Variants in DOCK9 observed in about 807,000 individuals in gnomAD.
The protein encoded by DOCK9 is dedicator of cytokinesis protein 9.
Under a neutral mutation model 263.3 loss-of-function variants are expected in DOCK9, and 89 were observed. The observed-to-expected ratio is 0.34, with a 90% CI of 0.28 to 0.40. The LOEUF (loss-of-function observed/expected upper bound fraction) is 0.40. Among genes scored for constraint, DOCK9 ranks in the 10% least tolerant of loss-of-function variants. The pLI is 1.00. For missense variants in DOCK9, 2,140 were observed against 2,603.4 expected (o/e 0.82, Z 3.87); for synonymous variants, 976 against 973.1 (o/e 1.00, Z -0.06).
At chr13:98,875,247 G>C (rs1594870782) in intron 27 of DOCK9, among the ~76,000 whole-genome samples, 1 of 152,252 alleles carries the variant, frequency 6.6e-6, no homozygotes, top group Middle Eastern at 3.4e-3. Flanking sequence ...ACAAACAACT[G>C]TTCAAAACAC....
At chr13:99,026,007 GATTAACA>G (rs1886657268) in intron 1 of DOCK9, among the ~76,000 whole-genome samples, 2 of 94,898 alleles carry the variant, frequency 2.1e-5, no homozygotes, top group Non-Finnish European at 4.5e-5. Flanking sequence ...ACAGAAAGCA[GATTAACA>G]GTTCCCTAGG....
At chr13:98,974,878 A>G (rs1180265140) in intron 1 of DOCK9, among the ~76,000 whole-genome samples, 1 of 151,550 alleles carries the variant, frequency 6.6e-6, no homozygotes, top group Non-Finnish European at 1.5e-5. Context: ...GCCCTGGCAG[A>G]GGAGAAAAAA....
chr13:98,879,541 ATT>A (rs2044411562), intron 27 of DOCK9, among the ~76,000 whole-genome samples: 1 of 152,220 alleles, frequency 6.6e-6, no homozygotes, highest in South Asian at 2.1e-4. Flanking sequence ...AAACGTGAAG[ATT>A]TCTAAGCTAA....
At chr13:99,080,420 C>A (rs2042080777) in intron 1 of DOCK9, among the ~76,000 whole-genome samples, 1 of 152,146 alleles carries the variant, frequency 6.6e-6, no homozygotes, top group African/African-American at 2.4e-5. Context: ...GTTTGAACTT[C>A]TTTCCTGAAA....
intron 1 of DOCK9, among the ~76,000 whole-genome samples, chr13:99,053,337 TATAA>T (rs1478511973): frequency 1.3e-5 from 2 of 152,228 alleles, no homozygotes; most frequent in South Asian, 2.1e-4. Context: ...TCTAAGCTAC[TATAA>T]ATAATTTCCC....
chr13:98,999,445 T>C (rs1254883151), intron 1 of DOCK9, among the ~76,000 whole-genome samples: 1 of 152,200 alleles, frequency 6.6e-6, no homozygotes, highest in Non-Finnish European at 1.5e-5. Flanking sequence ...AAGGATTTCT[T>C]GAATGATGAT....
intron 6 of DOCK9, among the ~76,000 whole-genome samples, chr13:98,921,643 A>G (rs1448183625): frequency 2.6e-5 from 4 of 152,050 alleles, no homozygotes; most frequent in Non-Finnish European, 4.4e-5. Context: ...TCTTCTATGC[A>G]ACTATTTTCT....
chr13:98,927,688 T>A (rs1259204895), intron 3 of DOCK9, among the ~76,000 whole-genome samples: 4 of 152,044 alleles, frequency 2.6e-5, no homozygotes, highest in African/African-American at 9.7e-5. Flanking sequence ...TGGTGCAATC[T>A]TGGCTCACTG....
At chr13:99,005,274 T>C in intron 1 of DOCK9, among the ~76,000 whole-genome samples, 1 of 152,228 alleles carries the variant, frequency 6.6e-6, no homozygotes, top group East Asian at 1.9e-4. Flanking sequence ...CTCCTGAATC[T>C]TAACCAATAT....
chr13:98,892,656 C>A (rs1256258403), intron 15 of DOCK9, among the ~76,000 whole-genome samples: 1 of 152,138 alleles, frequency 6.6e-6, no homozygotes, highest in Non-Finnish European at 1.5e-5. Flanking sequence ...GGAATGCAAA[C>A]AAGACATAAT....
At chr13:98,845,358 G>C in intron 38 of DOCK9, 1 of 1,359,708 alleles carries the variant, frequency 7.4e-7, no homozygotes, top group Non-Finnish European at 9.8e-7. Context: ...AAGCACACTT[G>C]ATATCTTTCT....
chr13:99,038,298 T>TCGC (rs1595959832), intron 1 of DOCK9, among the ~76,000 whole-genome samples: 48 of 118,368 alleles, frequency 4.1e-4, no homozygotes, highest in South Asian at 1.9e-3. Flanking sequence ...CTTTTTTTTT[T>TCGC]TTTTTTTTTT....
chr13:98,835,938 A>G (rs2092981003), intron 39 of DOCK9, among the ~76,000 whole-genome samples: 1 of 151,914 alleles, frequency 6.6e-6, no homozygotes, highest in Admixed American at 6.6e-5. Context: ...GGGTTTCACC[A>G]TGTTGGCCAG....
chr13:99,083,217 T>C (rs2042199490), intron 1 of DOCK9, among the ~76,000 whole-genome samples: 1 of 151,098 alleles, frequency 6.6e-6, no homozygotes, highest in Non-Finnish European at 1.5e-5. Context: ...ATCACGCCAC[T>C]GCACTCCAGC....
chr13:98,953,177 A>G (rs1282938532), intron 2 of DOCK9, among the ~76,000 whole-genome samples: 3 of 152,198 alleles, frequency 2.0e-5, no homozygotes, highest in African/African-American at 7.2e-5. Flanking sequence ...AAATAATTGT[A>G]CCCAAACTTC....
At chr13:98,920,148 GA>G (rs1226880869) in intron 7 of DOCK9, among the ~76,000 whole-genome samples, 2 of 152,158 alleles carry the variant, frequency 1.3e-5, no homozygotes, top group Admixed American at 1.3e-4. Context: ...GCTCCCCTCA[GA>G]AAAGAGACAC....
At chr13:99,064,195 AAGG>A (rs2041317021) in intron 1 of DOCK9, among the ~76,000 whole-genome samples, 2 of 152,382 alleles carry the variant, frequency 1.3e-5, no homozygotes, top group South Asian at 4.1e-4. Flanking sequence ...CTGAAAGTGA[AAGG>A]AGAACAGCAA....
intron 1 of DOCK9, among the ~76,000 whole-genome samples, chr13:98,972,215 A>G (rs1261240955): frequency 3.3e-5 from 5 of 152,210 alleles, no homozygotes; most frequent in African/African-American, 9.7e-5. Context: ...TTGAAATAAC[A>G]TTTAGCAGGC....
At chr13:99,005,823 A>G (rs1295762578) in intron 1 of DOCK9, among the ~76,000 whole-genome samples, 3 of 152,224 alleles carry the variant, frequency 2.0e-5, no homozygotes, top group Non-Finnish European at 4.4e-5. Context: ...GCAGGCCTGG[A>G]CAATATAAAA....
Sources: gnomAD v4.1 joint callset for allele counts (sites outside exome capture counted in the v4.1 genomes callset) on GRCh38, gnomAD v4.1.1 for gene constraint, MANE v1.5 for transcripts, NCBI Gene and HGNC (gene_info 2026-07-23, HGNC 2026-07-21) for gene names.